SLC30A6: variants seen among roughly 807,000 people sequenced by gnomAD.
SLC30A6 encodes the protein solute carrier family 30 member 6.
In SLC30A6, 55 loss-of-function variants were observed where a neutral mutation model predicts 63.0. The ratio of observed to expected loss-of-function variants is 0.87; its 90% confidence interval spans 0.70 to 1.09. SLC30A6 has a LOEUF of 1.09. Ranked by LOEUF, SLC30A6 falls within the 50% of genes least tolerant of loss-of-function variation. The pLI, the probability that SLC30A6 is intolerant of heterozygous loss-of-function variation, is 0.00. For synonymous variants in SLC30A6, 224 were observed against 186.1 expected, an observed-to-expected ratio of 1.20 and a Z score of -1.66; for missense variants, 587 against 549.2, an observed-to-expected ratio of 1.07 and a Z score of -0.69.
chr2:32,197,627 A>G (rs1465604955), intron 9 of SLC30A6, 80 bp from the exon 10 acceptor site: 1 of 1,587,082 alleles, frequency 6.3e-7, no homozygotes, highest in Non-Finnish European at 8.6e-7. Flanking sequence ...GTACCAAAAT[A>G]CAAGTTATCT....
chr2:32,194,037 C>A, intron 8 of SLC30A6, 54 bp downstream of exon 8: 1 of 1,447,872 alleles, frequency 6.9e-7, no homozygotes, highest in Non-Finnish European at 9.5e-7. Flanking sequence ...CTCATAAAAA[C>A]AAGCCTTTTG....
chr2:32,175,260 T>A (rs1681625852), intron 3 of SLC30A6, 59 bp from the exon 4 acceptor site: 8 of 1,527,118 alleles, frequency 5.2e-6, no homozygotes, highest in Non-Finnish European at 7.2e-6. Context: ...TTTGGTAACT[T>A]GCTGTATTTT....
intron 4 of SLC30A6, chr2:32,177,395 A>G: frequency 5.6e-6 from 1 of 178,930 alleles, no homozygotes; most frequent in Non-Finnish European, 1.2e-5. Flanking sequence ...GGCTCAAGTG[A>G]TTCTTTTGCC....
Position 32,206,897 on chromosome 2 carries a change from C to T in SLC30A6, c.780C>T (p.Pro260=). 6.2e-7 allele frequency: 1 copy of T among 1,611,610 alleles called. No homozygotes were observed. The highest frequency in any genetic ancestry group is 8.5e-7 in the Non-Finnish European group (1 of 1,177,890). Residue 260 remains proline, a synonymous_variant, in exon 12 of 14, where the codon CCC becomes CCT. Transcript: ENST00000282587. The part of the protein sequence containing the change: ...SGKVLLQTTP[P]HVIGQLDKLI... ...GTATTTTTCCCCAGACAACACCACC[C>T]CATGTTATTGGTCAGTTGGACAAAC...
At chr2:32,170,454 G>T (rs1573225972) in intron 1 of SLC30A6, among the ~76,000 whole-genome samples, 3 of 152,122 alleles carry the variant, frequency 2.0e-5, no homozygotes, top group South Asian at 4.1e-4. Context: ...TTGCCACTTG[G>T]TCTCCTCTCT....
At chr2:32,176,609 G>C (rs1407616539) in intron 4 of SLC30A6, among the ~76,000 whole-genome samples, 1 of 150,022 alleles carries the variant, frequency 6.7e-6, no homozygotes, top group Non-Finnish European at 1.5e-5. Flanking sequence ...AGTGAGCTGA[G>C]ATCGCAGCAC....
intron 13 of SLC30A6, among the ~76,000 whole-genome samples, chr2:32,213,531 G>C (rs752352541): frequency 3.9e-5 from 6 of 152,004 alleles, no homozygotes; most frequent in Non-Finnish European, 8.8e-5. Context: ...GTTGCTTCCT[G>C]CTGCACAGAT....
At chr2:32,215,267 T>C (rs984718233) in intron 13 of SLC30A6, among the ~76,000 whole-genome samples, 4 of 152,096 alleles carry the variant, frequency 2.6e-5, no homozygotes, top group African/African-American at 9.7e-5. Context: ...TGATCTTGGC[T>C]CACTGCAACA....
chr2:32,213,267 G>A (rs1178466879), intron 13 of SLC30A6, among the ~76,000 whole-genome samples: 13 of 147,734 alleles, frequency 8.8e-5, no homozygotes, highest in Admixed American at 8.1e-4. Flanking sequence ...TACTCAGTTT[G>A]GATTCTCTTG....
chr2:32,181,993 A>ACATAGT (rs1243145988), intron 4 of SLC30A6, among the ~76,000 whole-genome samples: 1 of 143,418 alleles, frequency 7.0e-6, no homozygotes, highest in Non-Finnish European at 1.5e-5. Context: ...GAGTACAGTG[A>ACATAGT]CATAGTCATG....
In SLC30A6 at chr2:32,181,000, C is replaced by G. The variant is rs1682260670; in HGVS notation, c.219-3273C>G. 1.3e-5 allele frequency among the ~76,000 whole-genome samples: 2 copies of G among 152,146 alleles called. 1 individual carries two copies. Among genetic ancestry groups the G allele is most frequent in the South Asian group, 4.1e-4 (2 of 4,830 alleles). On this transcript the variant is annotated intron_variant, in intron 4 of 13. Coordinates refer to ENST00000282587, the MANE Select transcript of SLC30A6 (RefSeq NM_017964.5). ...TGATTTAGATTCATTTAGAGCTTCA[C>G]TAATATCCAAACACAGAAGAAAGTG...
chr2:32,212,503 G>A (rs1685334052), intron 13 of SLC30A6, among the ~76,000 whole-genome samples: 1 of 150,772 alleles, frequency 6.6e-6, no homozygotes. Context: ...AAATTCATGG[G>A]TCTAGAGCTC....
chr2:32,197,299 T>G, intron 8 of SLC30A6, 45 bp from the exon 9 acceptor site: 1 of 1,528,362 alleles, frequency 6.5e-7, no homozygotes, highest in East Asian at 2.4e-5. Context: ...AGGTAGTGGT[T>G]TTTTTTTCTT....
chr2:32,166,864 C>G (rs143443801), intron 1 of SLC30A6, among the ~76,000 whole-genome samples: 1 of 152,138 alleles, frequency 6.6e-6, no homozygotes, highest in Non-Finnish European at 1.5e-5. Context: ...CACTTTTTGG[C>G]TAATGATCAA....
At chr2:32,219,251 C>G (rs1327824394) in intron 13 of SLC30A6, among the ~76,000 whole-genome samples, 1 of 151,812 alleles carries the variant, frequency 6.6e-6, no homozygotes, top group African/African-American at 2.4e-5. Flanking sequence ...TCAGGCTGGT[C>G]TCGAACTCCT....
rs551977884 is a variant in SLC30A6, at chr2:32,214,052, G to A, written c.885+4491G>A. 2.6e-5 allele frequency among the ~76,000 whole-genome samples: 4 copies of A among 152,014 alleles called. No individual in the cohort carries two copies. The East Asian group carries it at 7.7e-4, about 29-fold the overall frequency. Reference sequence around the variant, plus strand: ...GAATCTCTCTTTTTGTAGAATCTGCGAAGAGACAGCCGGGATTACAGATGC... The same window carrying A: ...GAATCTCTCTTTTTGTAGAATCTGCAAAGAGACAGCCGGGATTACAGATGC... On this transcript the variant is annotated intron_variant, in intron 13 of 13. Coordinates refer to ENST00000282587, the MANE Select transcript of SLC30A6 (RefSeq NM_017964.5).
At chr2:32,184,372 A>T in intron 5 of SLC30A6, 34 bp downstream of exon 5, 1 of 1,243,312 alleles carries the variant, frequency 8.0e-7, no homozygotes, top group Non-Finnish European at 1.1e-6. Context: ...CTGCTAACTT[A>T]TGACTACTAA....
rs754293556 is a variant in SLC30A6 at position 32,174,129 on chromosome 2, A to T, written c.157A>T (p.Ser53Cys). The T allele has an allele frequency of 6.2e-7, 1 of 1,613,270 alleles. No individual in the cohort carries two copies. Among genetic ancestry groups the T allele is most frequent in the Admixed American group, 1.7e-5 (1 of 59,996 alleles). Reference sequence around the variant, plus strand: ...TACTGGCTTCCTGCTTATGTGGTGCAGTTCTACTAATAGTATAGGTATGTC... The same window carrying T: ...TACTGGCTTCCTGCTTATGTGGTGCTGTTCTACTAATAGTATAGGTATGTC... ...ICTGFLLMWCSSTNSIALTAY... is the reference protein window; with the variant it reads ...ICTGFLLMWCCSTNSIALTAY... The change falls in exon 3 of 14, where the codon AGT (serine) becomes TGT (cysteine). Residue 53 changes from serine to cysteine, a missense_variant. Ser to Cys is a moderately radical substitution (Grantham distance 112). Transcript: ENST00000282587.
At chr2:32,166,535 C>G (rs1465318700) in intron 1 of SLC30A6, among the ~76,000 whole-genome samples, 1 of 152,190 alleles carries the variant, frequency 6.6e-6, no homozygotes, top group Non-Finnish European at 1.5e-5. Context: ...TGTTTTCTCT[C>G]AAATTTGTTA....
Sources: gnomAD v4.1 joint callset for allele counts (sites outside exome capture counted in the v4.1 genomes callset) on GRCh38, gnomAD v4.1.1 for gene constraint, MANE v1.5 for transcripts, NCBI Gene and HGNC (gene_info 2026-07-23, HGNC 2026-07-21) for gene names.